The following MYO5B variants were observed in gnomAD, a reference collection of about 807,000 sequenced individuals.
The protein encoded by MYO5B is unconventional myosin-Vb.
MYO5B carries 143 observed loss-of-function variants against 229.3 expected under a neutral mutation model. The ratio of observed to expected loss-of-function variants is 0.62; its 90% confidence interval spans 0.54 to 0.72. The LOEUF (loss-of-function observed/expected upper bound fraction) is 0.72, where lower values mean the gene tolerates loss of function less well. MYO5B is among the 30% of genes least tolerant of loss of function. The pLI is 0.00. For missense variants in MYO5B, 2,321 were observed against 2,331.0 expected, an observed-to-expected ratio of 1.00 and a Z score of 0.09; for synonymous variants, 918 against 885.2, an observed-to-expected ratio of 1.04 and a Z score of -0.66.
chr18:49,949,469 G>A (rs965404735), intron 14 of MYO5B, among the ~76,000 whole-genome samples: 6 of 152,094 alleles, frequency 3.9e-5, no homozygotes, highest in Non-Finnish European at 2.9e-5. Flanking sequence ...AAAGCAATTA[G>A]CTACATTACA....
chr18:50,098,551 A>C (rs1057075690), intron 1 of MYO5B, among the ~76,000 whole-genome samples: 2 of 152,236 alleles, frequency 1.3e-5, no homozygotes, highest in Non-Finnish European at 2.9e-5. Context: ...TTGAAAAGGT[A>C]AATGTCCAAC....
At chr18:49,946,065 G>A (rs533008366) in intron 14 of MYO5B, among the ~76,000 whole-genome samples, 3 of 152,018 alleles carry the variant, frequency 2.0e-5, no homozygotes, top group Admixed American at 2.0e-4. Context: ...ATACTATTGG[G>A]TAGTGGGGAG....
intron 1 of MYO5B, chr18:50,098,660 TAGAAAC>T (rs1222182350): frequency 6.6e-6 from 1 of 152,174 alleles, no homozygotes; most frequent in Non-Finnish European, 1.5e-5. Flanking sequence ...AAGAAAGTCT[TAGAAAC>T]AGAAATGAAA....
At chr18:49,896,870 C>T (rs2024784841) in intron 21 of MYO5B, among the ~76,000 whole-genome samples, 1 of 152,192 alleles carries the variant, frequency 6.6e-6, no homozygotes, top group South Asian at 2.1e-4. Flanking sequence ...CAGCTGTGTA[C>T]ATCCAACCTA....
intron 1 of MYO5B, among the ~76,000 whole-genome samples, chr18:50,066,630 A>G (rs145237187): frequency 1.3e-5 from 2 of 152,220 alleles, no homozygotes; most frequent in African/African-American, 4.8e-5. Flanking sequence ...ATCAGAAGGA[A>G]AAAATGTTCC....
chr18:50,004,254 G>A (rs150283533), intron 4 of MYO5B, among the ~76,000 whole-genome samples: 95 of 152,286 alleles, frequency 6.2e-4, no homozygotes, highest in Middle Eastern at 3.4e-3. Context: ...TCAAGGCAAC[G>A]GAACAGTAAA....
intron 17 of MYO5B, among the ~76,000 whole-genome samples, chr18:49,924,294 T>G (rs1452006949): frequency 6.6e-6 from 1 of 152,210 alleles, no homozygotes; most frequent in Non-Finnish European, 1.5e-5. Context: ...AATGCTCAAG[T>G]GTCCAGTGCT....
intron 14 of MYO5B, among the ~76,000 whole-genome samples, chr18:49,943,064 T>C (rs1260389103): frequency 6.6e-6 from 1 of 151,836 alleles, no homozygotes; most frequent in East Asian, 1.9e-4. Flanking sequence ...ATGTCCTTTG[T>C]AGGGACATGG....
At chr18:49,838,411 T>C (rs1472600190) in intron 36 of MYO5B, among the ~76,000 whole-genome samples, 1 of 152,198 alleles carries the variant, frequency 6.6e-6, no homozygotes, top group Non-Finnish European at 1.5e-5. Context: ...CAGCTTGATA[T>C]GTCAGTTCTC....
intron 1 of MYO5B, among the ~76,000 whole-genome samples, chr18:50,088,800 T>C (rs1467930696): frequency 6.6e-6 from 1 of 152,222 alleles, no homozygotes; most frequent in Middle Eastern, 3.2e-3. Flanking sequence ...GTTTTGCATA[T>C]CTATCTTATC....
intron 22 of MYO5B, among the ~76,000 whole-genome samples, chr18:49,887,133 A>C (rs995619146): frequency 1.3e-5 from 2 of 152,120 alleles, no homozygotes; most frequent in South Asian, 2.1e-4. Flanking sequence ...ACATGCTGTT[A>C]ACCACAGCAC....
At chr18:49,929,649 A>G in intron 16 of MYO5B, 51 bp from the exon 17 acceptor site, 1 of 1,477,108 alleles carries the variant, frequency 6.8e-7, no homozygotes, top group Non-Finnish European at 9.3e-7. Context: ...ATGAGTGGCC[A>G]CATTTGCAAA....
intron 10 of MYO5B, among the ~76,000 whole-genome samples, chr18:49,970,425 C>T (rs1598920701): frequency 1.3e-5 from 2 of 152,170 alleles, no homozygotes; most frequent in African/African-American, 2.4e-5. Context: ...GCAGAGCACT[C>T]ACCACAGTCA....
intron 1 of MYO5B, among the ~76,000 whole-genome samples, chr18:50,112,915 C>G (rs1201922133): frequency 6.6e-6 from 1 of 152,214 alleles, no homozygotes; most frequent in Non-Finnish European, 1.5e-5. Context: ...GTTAGCACAA[C>G]ACAGTCATTA....
At chr18:49,968,992 A>T (rs2025657944) in intron 10 of MYO5B, among the ~76,000 whole-genome samples, 1 of 152,160 alleles carries the variant, frequency 6.6e-6, no homozygotes, top group Non-Finnish European at 1.5e-5. Context: ...GGGAAGGTGG[A>T]GCCTGGCTTT....
intron 4 of MYO5B, among the ~76,000 whole-genome samples, chr18:50,011,510 C>T (rs991513911): frequency 6.6e-6 from 1 of 152,158 alleles, no homozygotes; most frequent in Non-Finnish European, 1.5e-5. Flanking sequence ...CGCTCCAAGG[C>T]CTGCACGTCC....
intron 1 of MYO5B, among the ~76,000 whole-genome samples, chr18:50,129,718 G>A (rs2032223706): frequency 6.6e-6 from 1 of 152,176 alleles, no homozygotes; most frequent in African/African-American, 2.4e-5. Context: ...TCTGAGTCCA[G>A]GCAAGAATCT....
chr18:50,178,175 A>G (rs983896675), intron 1 of MYO5B, among the ~76,000 whole-genome samples: 1 of 152,190 alleles, frequency 6.6e-6, no homozygotes, highest in African/African-American at 2.4e-5. Context: ...TGTGGCGCAC[A>G]CAATCAGCTG....
At chr18:50,020,281 T>C (rs963623753) in intron 4 of MYO5B, among the ~76,000 whole-genome samples, 1 of 152,240 alleles carries the variant, frequency 6.6e-6, no homozygotes, top group African/African-American at 2.4e-5. Flanking sequence ...ACACTCATTA[T>C]GCATCCAACA....
Sources: allele counts gnomAD v4.1 joint callset (sites outside exome capture counted in the v4.1 genomes callset), GRCh38; gene constraint gnomAD v4.1.1; transcripts MANE v1.5; gene names NCBI Gene and HGNC (gene_info 2026-07-23, HGNC 2026-07-21).